Variants in CALD1 observed in about 807,000 individuals in gnomAD.
The protein encoded by CALD1 is caldesmon 1.
In CALD1, 33 loss-of-function variants were observed where a neutral mutation model predicts 99.9. The ratio of observed to expected loss-of-function variants is 0.33; its 90% CI spans 0.25 to 0.44. CALD1 has a LOEUF of 0.44. Among genes scored for constraint, CALD1 ranks in the 20% least tolerant of loss-of-function variants. The probability of loss-of-function intolerance (pLI) is 1.00; values close to 1 mark genes in which losing one functional copy is unlikely to be tolerated. For missense variants in CALD1, 861 were observed against 962.1 expected (o/e 0.89, Z 1.39); for synonymous variants, 310 against 325.0 (o/e 0.95, Z 0.50).
chr7:134,811,487 TG>T lies in CALD1; in HGVS notation c.-130+31739del, dbSNP rs370834504. On this transcript the variant is annotated intron_variant, in intron 1 of 14. Transcript: ENST00000361675. Reference sequence around the variant, plus strand: ...TTGAGGACCTTCAAAGAACCCTCCCTGTCCAAAATACATCATTCAGAATCTT... The same window carrying T: ...TTGAGGACCTTCAAAGAACCCTCCCTTCCAAAATACATCATTCAGAATCTT... Among the ~76,000 whole-genome samples the T allele has an allele frequency of 1.1e-3, 160 of 152,340 alleles. 1 individual carries two copies. The highest frequency in any genetic ancestry group is 3.8e-3 in the African/African-American group (157 of 41,590).
At chr7:134,821,007 G>A (rs1018198496) in intron 1 of CALD1, among the ~76,000 whole-genome samples, 2 of 152,118 alleles carry the variant, frequency 1.3e-5, no homozygotes, top group African/African-American at 4.8e-5. Context: ...AGGCTAGAAT[G>A]CAGTTGTTTT....
At chr7:134,714,168 T>C in the CALD1 span, among the ~76,000 whole-genome samples, 1 of 152,200 alleles carries the variant, frequency 6.6e-6, no homozygotes, top group Non-Finnish European at 1.5e-5. Flanking sequence ...CCATGCTTCC[T>C]GTACAGCCTG....
chr7:134,787,960 AT>A (rs949959812), intron 1 of CALD1, among the ~76,000 whole-genome samples: 1 of 152,114 alleles, frequency 6.6e-6, no homozygotes, highest in Non-Finnish European at 1.5e-5. Flanking sequence ...AAGGAATTAG[AT>A]TAGAATCCAC....
chr7:134,831,362 C>CG (rs1034098370), intron 1 of CALD1, among the ~76,000 whole-genome samples: 43 of 152,104 alleles, frequency 2.8e-4, no homozygotes, highest in Admixed American at 1.3e-3. Context: ...CTCTGTTGCC[C>CG]GGGTTGGAGT....
At chr7:134,891,434 A>G in intron 3 of CALD1, 2 of 1,311,882 alleles carry the variant, frequency 1.5e-6, no homozygotes, top group African/African-American at 1.5e-5. Flanking sequence ...GCTGAGGACA[A>G]GCCCAGACTT....
chr7:134,963,444 A>G lies in CALD1; in HGVS notation c.2296-1862A>G, dbSNP rs1249756066. ...TTTTCAGTGTTACAATCTCAATACT[A>G]TCTATCAGAAATATGTCCATTTAGA... On this transcript the variant is annotated intron_variant, in intron 13 of 14. Transcript: ENST00000361675. Among the ~76,000 whole-genome samples, 3 of 152,194 alleles carry G rather than the reference A, an allele frequency of 2.0e-5. No homozygotes were observed. The East Asian group carries it at 5.8e-4, about 29-fold the overall frequency.
At chr7:134,721,463 C>T in the CALD1 span, among the ~76,000 whole-genome samples, 1 of 151,906 alleles carries the variant, frequency 6.6e-6, no homozygotes, top group Non-Finnish European at 1.5e-5. Flanking sequence ...CTTAGAATTC[C>T]TGGGTTTCTA....
chr7:134,740,426 C>A (rs1426430679), upstream of CALD1, among the ~76,000 whole-genome samples: 1 of 152,020 alleles, frequency 6.6e-6, no homozygotes, highest in Non-Finnish European at 1.5e-5. Context: ...ATTTTTAGGT[C>A]CAAAAAAGAA....
chr7:134,950,355 T>C lies in CALD1; in HGVS notation c.1795-19T>C. On this transcript the variant is annotated intron_variant, in intron 8 of 14. Coordinates refer to ENST00000361675, the MANE Select transcript of CALD1 (RefSeq NM_033138.4). ...TGAAGCTGGTACTGATGCCTCGTTA[T>C]TTGTTCTTTCTCTCTTAGGAAGAGA... is the stretch of plus-strand genomic sequence containing the variant. The C allele has an allele frequency of 6.2e-7, 1 of 1,613,344 alleles. No individual in the cohort carries two copies. Among genetic ancestry groups the C allele is most frequent in the Non-Finnish European group, 8.5e-7 (1 of 1,179,542 alleles).
intron 3 of CALD1, among the ~76,000 whole-genome samples, chr7:134,905,848 G>T (rs533613732): frequency 1.4e-5 from 2 of 147,404 alleles, no homozygotes; most frequent in African/African-American, 5.0e-5. Flanking sequence ...TAACTCCATT[G>T]TTATTAATCT....
At chr7:134,891,496 T>C in intron 3 of CALD1, 5 of 1,475,344 alleles carry the variant, frequency 3.4e-6, no homozygotes, top group Middle Eastern at 5.0e-4. Context: ...CACGGGAGCA[T>C]CCTGCACCGT....
At chr7:134,799,630 AAT>A (rs1797871805) in intron 1 of CALD1, among the ~76,000 whole-genome samples, 1 of 152,204 alleles carries the variant, frequency 6.6e-6, no homozygotes, top group African/African-American at 2.4e-5. Context: ...CTTATTATGT[AAT>A]CAATATAAAT....
chr7:134,873,320 C>T (rs1801193693), intron 3 of CALD1, among the ~76,000 whole-genome samples: 1 of 152,258 alleles, frequency 6.6e-6, no homozygotes, highest in Non-Finnish European at 1.5e-5. Context: ...CCTTCATGTG[C>T]CTCTTCCCCG....
chr7:134,875,969 C>T lies in CALD1; in HGVS notation c.71+8165C>T, dbSNP rs531134001. Among the ~76,000 whole-genome samples, 4 of 152,336 alleles carry T rather than the reference C, an allele frequency of 2.6e-5. No individual in the cohort carries two copies. The South Asian group carries it at 6.2e-4, about 24-fold the overall frequency. On this transcript the variant is annotated intron_variant, in intron 3 of 14. Transcript: ENST00000361675. ...CTGGACTTTTTTCAACAAGACTGTA[C>T]ATCATTAGGACAGGGACTTAGTCAC...
At chr7:134,735,674 G>A in the CALD1 span, among the ~76,000 whole-genome samples, 176 of 150,876 alleles carry the variant, frequency 1.2e-3, no homozygotes, top group Non-Finnish European at 1.2e-3. Context: ...GCACTATGAG[G>A]TTTCTAGTAT....
At chr7:134,960,664 C>T (rs1168661293) in intron 13 of CALD1, 36 bp downstream of exon 13, 5 of 1,280,760 alleles carry the variant, frequency 3.9e-6, no homozygotes, top group Admixed American at 1.7e-5. Flanking sequence ...TTTCTTTGAT[C>T]TCCCAGCTTC....
At chr7:134,858,442 C>G (rs148741598) in intron 2 of CALD1, among the ~76,000 whole-genome samples, 1 of 152,100 alleles carries the variant, frequency 6.6e-6, no homozygotes, top group Admixed American at 6.5e-5. Flanking sequence ...TACAACACCC[C>G]ACAACTTACC....
chr7:134,855,907 T>A (rs1563047176), intron 2 of CALD1, among the ~76,000 whole-genome samples: 1 of 152,204 alleles, frequency 6.6e-6, no homozygotes, highest in Non-Finnish European at 1.5e-5. Flanking sequence ...AACTGTCGAG[T>A]TGAAGTCCTT....
At chr7:134,781,235 A>G (rs1316395773) in intron 1 of CALD1, among the ~76,000 whole-genome samples, 3 of 152,162 alleles carry the variant, frequency 2.0e-5, no homozygotes, top group African/African-American at 7.2e-5. Context: ...AAATATGGAG[A>G]GCAATTTTTC....
Sources: allele counts gnomAD v4.1 joint callset (sites outside exome capture counted in the v4.1 genomes callset), GRCh38; gene constraint gnomAD v4.1.1; transcripts MANE v1.5; gene names NCBI Gene and HGNC (gene_info 2026-07-23, HGNC 2026-07-21).